MORC3: variants seen among roughly 807,000 people sequenced by gnomAD.
MORC3 encodes MORC family CW-type zinc finger 3.
Under a neutral mutation model 109.1 loss-of-function variants are expected in MORC3, and 31 were observed. The observed-to-expected ratio is 0.28, with a 90% CI of 0.21 to 0.38. MORC3 has a LOEUF of 0.38. Among genes scored for constraint, MORC3 ranks in the 10% least tolerant of loss-of-function variants. The pLI is 1.00. For synonymous variants in MORC3, 395 were observed against 380.7 expected (o/e 1.04, Z -0.44); for missense variants, 867 against 1,135.8 (o/e 0.76, Z 3.40).
intron 10 of MORC3, among the ~76,000 whole-genome samples, chr21:36,358,120 T>C (rs1402162006): frequency 6.6e-6 from 1 of 151,814 alleles, no homozygotes; most frequent in African/African-American, 2.4e-5. Context: ...TTGGATCACA[T>C]CTGTAATCCC....
intron 1 of MORC3, 61 bp downstream of exon 1, chr21:36,320,364 G>C (rs1295848955): frequency 2.2e-6 from 3 of 1,334,816 alleles, no homozygotes; most frequent in Admixed American, 3.3e-5. Flanking sequence ...GCAAGCGAAG[G>C]GGGGCCGGCA....
chr21:36,345,358 C>T (rs1032120279), intron 8 of MORC3, among the ~76,000 whole-genome samples: 2 of 152,078 alleles, frequency 1.3e-5, no homozygotes, highest in Non-Finnish European at 2.9e-5. Context: ...TCAAGTGATT[C>T]TGCTGCCTCA....
chr21:36,361,921 A>T, intron 12 of MORC3: 1 of 500,160 alleles, frequency 2.0e-6, no homozygotes, highest in Non-Finnish European at 3.6e-6. Context: ...AAAGCCTGTG[A>T]TTCTGGACTG....
rs182783173 is a variant in MORC3 at position 36,344,213 on chromosome 21, C to T, written c.757-366C>T. ...TGTGATCTCGGCTCACTGCAGCCTC[C>T]GCCTCCATACTTGACAGAAAAATCA... On this transcript the variant is annotated intron_variant, in intron 6 of 16. Transcript: ENST00000400485. Among the ~76,000 whole-genome samples the T allele has an allele frequency of 3.0e-3, 452 of 151,250 alleles. 3 individuals are homozygous for T. The highest frequency in any genetic ancestry group is 0.027 in the Middle Eastern group (8 of 294).
intron 6 of MORC3, 144 bp downstream of exon 6, chr21:36,341,690 C>A: frequency 8.7e-7 from 1 of 1,145,368 alleles, no homozygotes. Flanking sequence ...CCCTGGCCCA[C>A]TCAGCCTGGG....
intron 12 of MORC3, chr21:36,361,909 C>A (rs991224591): frequency 6.6e-6 from 3 of 454,712 alleles, no homozygotes; most frequent in African/African-American, 2.0e-5. Flanking sequence ...TGTTCTAGTT[C>A]AAAAGCCTGT....
At chr21:36,346,446 C>T (rs9977960) in intron 8 of MORC3, among the ~76,000 whole-genome samples, 49,025 of 152,034 alleles carry the variant, frequency 0.32, 9,042 homozygotes, top group East Asian at 0.58. Context: ...AATCCTAGTG[C>T]TTCGTGTGGC....
chr21:36,357,252 CTG>C (rs1431164108), intron 10 of MORC3, among the ~76,000 whole-genome samples: 15 of 151,768 alleles, frequency 9.9e-5, no homozygotes, highest in Non-Finnish European at 1.8e-4. Context: ...TGAACAATAT[CTG>C]TGTGTTCTTT....
chr21:36,375,092 GA>G, intron 16 of MORC3, 50 bp from the exon 17 acceptor site: 1 of 1,529,784 alleles, frequency 6.5e-7, no homozygotes, highest in Non-Finnish European at 8.9e-7. Context: ...AGGTCTACAT[GA>G]ATCTTAACTT....
rs1601541595 is a variant in MORC3, at chr21:36,369,128, A to G, written c.1760A>G (p.Lys587Arg). The change falls in exon 15 of 17, where the codon AAA (lysine) becomes AGA (arginine). Residue 587 changes from lysine to arginine, a missense_variant. By Grantham distance (26) the Lys-to-Arg change is conservative (BLOSUM62 2). Transcript: ENST00000400485. Reference sequence around the variant, plus strand: ...ATCTTAGAAGAAAACAGTACCCCCAAACCTGCAGTAGATCATGATATTGAC... The same window carrying G: ...ATCTTAGAAGAAAACAGTACCCCCAGACCTGCAGTAGATCATGATATTGAC... ...VIILEENSTP[K>R]PAVDHDIDMK... 6.2e-7 allele frequency: 1 copy of G among 1,614,128 alleles called. No homozygotes were observed. The highest frequency in any genetic ancestry group is 8.5e-7 in the Non-Finnish European group (1 of 1,180,020).
intron 10 of MORC3, 123 bp from the exon 11 acceptor site, chr21:36,359,832 C>A (rs74842580): frequency 2.2e-6 from 3 of 1,390,932 alleles, no homozygotes; most frequent in South Asian, 2.6e-5. Context: ...GAAAGAGTTA[C>A]GTCATAATTT....
chr21:36,339,166 C>G (rs879905031), intron 5 of MORC3: 3 of 292,304 alleles, frequency 1.0e-5, no homozygotes, highest in Admixed American at 1.0e-4. Flanking sequence ...GTTCCCCAGG[C>G]TGGAATGCGA....
At chr21:36,368,364 T>C (rs2085804667) in intron 14 of MORC3, among the ~76,000 whole-genome samples, 2 of 150,454 alleles carry the variant, frequency 1.3e-5, no homozygotes, top group Admixed American at 1.3e-4. Flanking sequence ...GGGGCCGGGG[T>C]GGGTAGCATT....
intron 2 of MORC3, among the ~76,000 whole-genome samples, chr21:36,333,978 G>A (rs1015154269): frequency 2.0e-5 from 3 of 151,604 alleles, no homozygotes; most frequent in Non-Finnish European, 2.9e-5. Flanking sequence ...TAGTAGAGAC[G>A]GGGTTTCACT....
chr21:36,375,021 T>C, intron 16 of MORC3, 122 bp from the exon 17 acceptor site: 1 of 1,070,982 alleles, frequency 9.3e-7, no homozygotes. Flanking sequence ...AGGTTTTGCT[T>C]TTCCTTTTGT....
chr21:36,358,481 T>C (rs551339285), intron 10 of MORC3, among the ~76,000 whole-genome samples: 1 of 152,086 alleles, frequency 6.6e-6, no homozygotes, highest in African/African-American at 2.4e-5. Context: ...ATAGGCTGTA[T>C]CCAGTGGGTC....
intron 6 of MORC3, among the ~76,000 whole-genome samples, chr21:36,341,858 A>G (rs549656067): frequency 6.6e-6 from 1 of 152,318 alleles, no homozygotes; most frequent in South Asian, 2.1e-4. Flanking sequence ...TTATTATCTT[A>G]TTAGAATCAA....
At chr21:36,356,588 T>G in intron 9 of MORC3, 32 bp from the exon 10 acceptor site, 1 of 1,388,320 alleles carries the variant, frequency 7.2e-7, no homozygotes, top group Non-Finnish European at 9.6e-7. Context: ...TTGAAAAGAA[T>G]TTTTTCTTGA....
At chr21:36,371,213 A>T (rs1477773546) in intron 15 of MORC3, among the ~76,000 whole-genome samples, 2 of 152,160 alleles carry the variant, frequency 1.3e-5, no homozygotes, top group African/African-American at 4.8e-5. Context: ...TGCTAAAAAG[A>T]GTTTGGGAAC....
Sources: allele counts gnomAD v4.1 joint callset (sites outside exome capture counted in the v4.1 genomes callset), GRCh38; gene constraint gnomAD v4.1.1; transcripts MANE v1.5; gene names NCBI Gene and HGNC (gene_info 2026-07-23, HGNC 2026-07-21).